DHX37: variants seen among roughly 807,000 people sequenced by gnomAD.
DHX37 encodes the protein probable ATP-dependent RNA helicase DHX37.
Under a neutral mutation model 134.3 loss-of-function variants are expected in DHX37, and 52 were observed. The observed-to-expected ratio is 0.39, with a 90% CI of 0.31 to 0.49. The LOEUF is 0.49. Among genes scored for constraint, DHX37 ranks in the 20% least tolerant of loss-of-function variants. The pLI is 0.93. For synonymous variants in DHX37, 634 were observed against 670.7 expected (o/e 0.95, Z 0.85); for missense variants, 1,344 against 1,580.8 (o/e 0.85, Z 2.54).
At chr12:124,978,846 C>T (rs914427113) in intron 4 of DHX37, among the ~76,000 whole-genome samples, 40 of 151,560 alleles carry the variant, frequency 2.6e-4, no homozygotes, top group African/African-American at 8.5e-4. Flanking sequence ...GTGGGAGGAC[C>T]GCTTGAGCCC....
In DHX37 at chr12:124,968,722, C is replaced by T; in HGVS notation, c.1294-74G>A. On this transcript the variant is annotated intron_variant, in intron 9 of 26. Coordinates refer to ENST00000308736, the MANE Select transcript of DHX37 (RefSeq NM_032656.4). Reference sequence around the variant, plus strand: ...GGCCCAGGGCTGCCTTCCCTTTCCCCATTATTCCGAATCAAGGTTTCTAAC... The same window carrying T: ...GGCCCAGGGCTGCCTTCCCTTTCCCTATTATTCCGAATCAAGGTTTCTAAC... 3 of 1,609,592 alleles carry T rather than the reference C, an allele frequency of 1.9e-6. No individual in the cohort carries two copies. The South Asian group carries it at 3.3e-5, about 18-fold the overall frequency.
In DHX37 at chr12:124,965,759, G is replaced by A. The variant is rs369723389; in HGVS notation, c.1644C>T (p.Gly548=). 1.4e-5 allele frequency: 22 copies of A among 1,613,166 alleles called. No homozygotes were observed. The highest frequency in any genetic ancestry group is 3.3e-5 in the South Asian group (3 of 90,992). The part of the protein sequence containing the change: ...DHYSVLPAGE[G]DEDREAEVDE... The stretch of plus-strand genomic sequence containing the variant: ...CCACTTCTGCCTCCCTGTCCTCATC[G>A]CCTTCGCCTGCCGGTAACACCGAGT... Residue 548 remains glycine, a synonymous_variant, in exon 13 of 27, where the codon GGC becomes GGT. Coordinates refer to ENST00000308736, the MANE Select transcript of DHX37 (RefSeq NM_032656.4).
In DHX37 at chr12:124,968,786, G is replaced by A. The variant is rs868731972; in HGVS notation, c.1293+81C>T. Reference sequence around the variant, plus strand: ...TGCTGTCAATCCCCCCTGTGACCAAGTGAGGTCTCTCAGGGGGCTCCCGAC... The same window carrying A: ...TGCTGTCAATCCCCCCTGTGACCAAATGAGGTCTCTCAGGGGGCTCCCGAC... On this transcript the variant is annotated intron_variant, in intron 9 of 26. Coordinates refer to ENST00000308736, the MANE Select transcript of DHX37 (RefSeq NM_032656.4). The A allele has an allele frequency of 8.8e-6, 14 of 1,597,684 alleles. No homozygotes were observed. In the African/African-American group the frequency reaches 1.7e-4, roughly 20 times the overall value.
chr12:124,976,352 G>A (rs988872483), intron 5 of DHX37, among the ~76,000 whole-genome samples: 18 of 152,248 alleles, frequency 1.2e-4, no homozygotes. Flanking sequence ...CACCGAACCT[G>A]AGCATGGTCT....
In DHX37 at chr12:124,950,215, G is replaced by A. The variant is rs1392987711; in HGVS notation, c.3150C>T (p.Ile1050=). 33 of 1,613,926 alleles carry A rather than the reference G, an allele frequency of 2.0e-5. No individual in the cohort carries two copies. The highest frequency in any genetic ancestry group is 2.6e-5 in the Non-Finnish European group (31 of 1,180,044). ...FYRVGWPLPA[I]EVDFPEGIDR... ...CAATCCCCTCTGGAAAATCCACCTCGATGGCGGGGAGCGGCCAGCCCACGC... is the reference window on the plus strand; with the variant it reads ...CAATCCCCTCTGGAAAATCCACCTCAATGGCGGGGAGCGGCCAGCCCACGC... Residue 1050 remains isoleucine, a synonymous_variant, in exon 24 of 27, where the codon ATC becomes ATT. Transcript: ENST00000308736.
intron 18 of DHX37, among the ~76,000 whole-genome samples, chr12:124,955,906 C>G (rs1954083666): frequency 7.0e-6 from 1 of 142,206 alleles, no homozygotes; most frequent in Admixed American, 6.9e-5. Context: ...AAGCAAAGTT[C>G]CTGGTTAGGG....
At position 124,980,780 on chromosome 12, in the gene DHX37, G is replaced by C; in HGVS notation, c.448C>G (p.His150Asp). Reference sequence around the variant, plus strand: ...GAGGGCCAGCGGCGACGCTTCCGGTGGGCACCGCTGAGGCTACTGATCTTC... The same window carrying C: ...GAGGGCCAGCGGCGACGCTTCCGGTCGGCACCGCTGAGGCTACTGATCTTC... ...QEKISSLSGA[H>D]RKRRRWPSAE... Residue 150 changes from histidine (H) to aspartate (D), a missense_variant, in exon 4 of 27, where the codon CAC becomes GAC. His to Asp is a moderately conservative substitution (Grantham distance 81). This residue lies in a region of DHX37 where 319 missense variants were observed against 296.1 expected (regional missense o/e 1.08). Coordinates refer to ENST00000308736, the MANE Select transcript of DHX37 (RefSeq NM_032656.4). The surrounding 1 kb of genome is among the most constrained non-coding windows in gnomAD (Gnocchi z 5.3). 1 of 1,556,984 alleles carries C rather than the reference G, an allele frequency of 6.4e-7. No homozygotes were observed. Among genetic ancestry groups the C allele is most frequent in the Non-Finnish European group, 8.7e-7 (1 of 1,153,264 alleles).
At chr12:124,975,564 C>A (rs1346121221) in intron 5 of DHX37, 53 bp from the exon 6 acceptor site, 9 of 1,577,712 alleles carry the variant, frequency 5.7e-6, no homozygotes, top group South Asian at 1.1e-5. Flanking sequence ...CCTGTTCATG[C>A]CAAAGCCTCA....
intron 10 of DHX37, among the ~76,000 whole-genome samples, chr12:124,968,168 GC>G (rs1289504941): frequency 6.6e-6 from 1 of 152,064 alleles, no homozygotes; most frequent in Non-Finnish European, 1.5e-5. Flanking sequence ...GGGTAACGGA[GC>G]AGGTATGATG....
Position 124,980,296 on chromosome 12 carries a change from G to A in DHX37, c.738+194C>T, listed in dbSNP as rs1453336647. Among the ~76,000 whole-genome samples, 1 of 152,222 alleles carries A rather than the reference G, an allele frequency of 6.6e-6. No homozygotes were observed. On this transcript the variant is annotated intron_variant, in intron 4 of 26. Transcript: ENST00000308736. This position sits in a 1 kb window ranked among gnomAD's most constrained non-coding sequence, Gnocchi z 5.3. The stretch of plus-strand genomic sequence containing the variant: ...CTGCCAGGCGTGCCGCCAGACACCC[G>A]CCCTGCACTGTGATCCTCCTCGCGC...
chr12:124,978,786 G>A (rs1305144779), intron 4 of DHX37, among the ~76,000 whole-genome samples: 1 of 151,484 alleles, frequency 6.6e-6, no homozygotes, highest in African/African-American at 2.4e-5. Flanking sequence ...AAAAAAGTTA[G>A]CCAGGCATGG....
intron 15 of DHX37, among the ~76,000 whole-genome samples, chr12:124,964,042 C>A (rs7484955): frequency 0.32 from 48,143 of 150,634 alleles, 8,267 homozygotes; most frequent in East Asian, 0.64. Flanking sequence ...TAAAAATACA[C>A]AAATTAGCTG....
chr12:124,971,192 T>C, intron 8 of DHX37, 110 bp downstream of exon 8: 1 of 1,489,082 alleles, frequency 6.7e-7, no homozygotes, highest in Non-Finnish European at 9.0e-7. Flanking sequence ...TACCTGCTCA[T>C]GGCAGCAGCC....
chr12:124,966,199 G>C (rs1176920525), intron 12 of DHX37, among the ~76,000 whole-genome samples: 2 of 152,216 alleles, frequency 1.3e-5, no homozygotes, highest in South Asian at 4.1e-4. Flanking sequence ...TCCCAGAGTA[G>C]CTGGGAGTAC....
At position 124,967,357 on chromosome 12, in the gene DHX37, A is replaced by G. The variant is rs118094797; in HGVS notation, c.1409-139T>C. On this transcript the variant is annotated intron_variant, in intron 10 of 26. Transcript: ENST00000308736. ...GGACAGGAGTACACAGACATAGATG[A>G]GCAGGGGGCAGCACGCCCAGACTGA... 3,987 of 874,396 alleles carry G rather than the reference A, an allele frequency of 4.6e-3. 35 individuals are homozygous for G. Among genetic ancestry groups the G allele is most frequent in the East Asian group, 0.033 (1,245 of 37,438 alleles). 54.2% of individuals were successfully genotyped at this position (874,396 alleles called of 1,614,324 possible). A position where few individuals can be genotyped will look rare whatever the true frequency, so the allele number is the denominator to read the frequency against.
intron 21 of DHX37, among the ~76,000 whole-genome samples, chr12:124,951,441 G>A (rs574584771): frequency 6.6e-6 from 1 of 152,202 alleles, no homozygotes; most frequent in African/African-American, 2.4e-5. Flanking sequence ...TGGAAAGCAG[G>A]ATCATGAAAA....
Position 124,977,162 on chromosome 12 carries a change from C to T in DHX37, c.887+180G>A, listed in dbSNP as rs140136273. The stretch of plus-strand genomic sequence containing the variant: ...CCACACGACAACCTTGTGAAGTAGG[C>T]GCTATTATTCCCATCTCACAGCTGG... On this transcript the variant is annotated intron_variant, in intron 5 of 26. Transcript: ENST00000308736. Among the ~76,000 whole-genome samples the T allele has an allele frequency of 9.9e-3, 1,502 of 152,288 alleles. 24 individuals carry two copies. Among genetic ancestry groups the T allele is most frequent in the African/African-American group, 0.033 (1,382 of 41,570 alleles).
chr12:124,947,634 C>T lies in DHX37; in HGVS notation c.*168G>A. ...GGGCCAGATGGCACGGGCGGCAGCA[C>T]CCTTCATACGGGATCGAGCTCTCAT... On this transcript the variant is annotated 3_prime_UTR_variant, in exon 27 of 27. Coordinates refer to ENST00000308736, the MANE Select transcript of DHX37 (RefSeq NM_032656.4). 1 of 856,302 alleles carries T rather than the reference C, an allele frequency of 1.2e-6. No homozygotes were observed. Among genetic ancestry groups the T allele is most frequent in the South Asian group, 2.1e-5 (1 of 47,132 alleles). 53.0% of individuals were successfully genotyped at this position (856,302 alleles called of 1,614,324 possible). A position where few individuals can be genotyped will look rare whatever the true frequency, so the allele number is the denominator to read the frequency against.
chr12:124,975,143 T>C (rs1173554755), intron 6 of DHX37, among the ~76,000 whole-genome samples: 2 of 152,198 alleles, frequency 1.3e-5, no homozygotes, highest in African/African-American at 4.8e-5. Context: ...GCTCCGTGAC[T>C]GCCTGCATCT....
Sources: allele counts gnomAD v4.1 joint callset (sites outside exome capture counted in the v4.1 genomes callset), GRCh38; gene constraint gnomAD v4.1.1; regional missense constraint gnomAD v4.1.1; non-coding constraint Gnocchi (gnomAD v3.1); transcripts MANE v1.5; gene names NCBI Gene and HGNC (gene_info 2026-07-23, HGNC 2026-07-21).